The following GALNT17 variants were observed in gnomAD, a reference collection of about 807,000 sequenced individuals.
GALNT17 encodes polypeptide N-acetylgalactosaminyltransferase 17.
GALNT17 carries 29 observed loss-of-function variants against 63.7 expected under a neutral mutation model. The ratio of observed to expected loss-of-function variants is 0.46; its 90% CI spans 0.34 to 0.62. GALNT17 has a LOEUF of 0.62. Among genes scored for constraint, GALNT17 ranks in the 20% least tolerant of loss-of-function variants. GALNT17 has a pLI of 0.01. For synonymous variants in GALNT17, 305 were observed against 318.3 expected, an observed-to-expected ratio of 0.96 and a Z score of 0.45; for missense variants, 603 against 799.6, an observed-to-expected ratio of 0.75 and a Z score of 2.97.
chr7:71,231,465 G>C (rs755726575), intron 1 of GALNT17, among the ~76,000 whole-genome samples: 2 of 152,160 alleles, frequency 1.3e-5, no homozygotes, highest in Non-Finnish European at 2.9e-5. Context: ...GGAAGAGAGG[G>C]TGGATGGAAA....
At chr7:71,367,181 G>A (rs1025375927) in intron 2 of GALNT17, among the ~76,000 whole-genome samples, 3 of 152,102 alleles carry the variant, frequency 2.0e-5, no homozygotes, top group Non-Finnish European at 2.9e-5. Flanking sequence ...AACCACTGCC[G>A]TAATCTTATC....
At chr7:71,502,150 A>G (rs1022816690) in intron 5 of GALNT17, among the ~76,000 whole-genome samples, 5 of 152,194 alleles carry the variant, frequency 3.3e-5, no homozygotes, top group African/African-American at 9.7e-5. Flanking sequence ...TTAATTTCAT[A>G]TTTGCCAGCA....
chr7:71,198,762 G>A (rs114580941), intron 1 of GALNT17, among the ~76,000 whole-genome samples: 3 of 152,138 alleles, frequency 2.0e-5, no homozygotes, highest in African/African-American at 4.8e-5. Context: ...CATCCAGAAG[G>A]TCTCTATGTT....
chr7:71,377,838 T>C (rs1792773619), intron 2 of GALNT17, among the ~76,000 whole-genome samples: 1 of 152,166 alleles, frequency 6.6e-6, no homozygotes. Flanking sequence ...CTTCCTTCTC[T>C]CTCCTGCCGC....
chr7:71,284,988 A>G (rs905809977), intron 1 of GALNT17, among the ~76,000 whole-genome samples: 5 of 152,094 alleles, frequency 3.3e-5, no homozygotes, highest in Admixed American at 1.3e-4. Flanking sequence ...TGAAGCTTAC[A>G]CAATTTTGGC....
chr7:71,547,418 T>C (rs909393094), intron 5 of GALNT17, among the ~76,000 whole-genome samples: 46 of 152,000 alleles, frequency 3.0e-4, no homozygotes, highest in African/African-American at 1.1e-3. Flanking sequence ...CCTCCCAAAG[T>C]GCTGAGATTA....
rs180745171 is a variant in GALNT17 at position 71,439,417 on chromosome 7, G to A, written c.962+18312G>A. ...ATCAATATTTCTTTTTGCGTGACAC[G>A]CTGATATTGCTGCTAGATAGCTTTC... On this transcript the variant is annotated intron_variant, in intron 5 of 10. Transcript: ENST00000333538. Among the ~76,000 whole-genome samples the A allele has an allele frequency of 7.2e-5, 11 of 152,256 alleles. No individual in the cohort carries two copies. In the East Asian group the frequency reaches 1.4e-3, roughly 19 times the overall value.
At chr7:71,240,738 C>T (rs1388535421) in intron 1 of GALNT17, among the ~76,000 whole-genome samples, 1 of 151,032 alleles carries the variant, frequency 6.6e-6, no homozygotes, top group African/African-American at 2.4e-5. Context: ...GATCTCGGCT[C>T]ACTGCAGGCT....
intron 1 of GALNT17, among the ~76,000 whole-genome samples, chr7:71,207,407 A>G (rs1177728212): frequency 1.3e-5 from 2 of 151,934 alleles, no homozygotes; most frequent in African/African-American, 4.8e-5. Flanking sequence ...CCATGTCCTT[A>G]TCTTCTGTTA....
At chr7:71,449,108 C>CTATTTTTT (rs1787211111) in intron 5 of GALNT17, among the ~76,000 whole-genome samples, 1 of 72,754 alleles carries the variant, frequency 1.4e-5, no homozygotes, top group Non-Finnish European at 2.3e-5. Context: ...TGCCTATTTT[C>CTATTTTTT]TTTTTTTTTT....
At chr7:71,486,736 G>T (rs546947154) in intron 5 of GALNT17, among the ~76,000 whole-genome samples, 1 of 151,726 alleles carries the variant, frequency 6.6e-6, no homozygotes. Context: ...GGTGATATGT[G>T]CCTGTAAGTC....
chr7:71,331,557 A>T (rs1263541740), intron 1 of GALNT17, among the ~76,000 whole-genome samples: 3 of 152,114 alleles, frequency 2.0e-5, no homozygotes, highest in Non-Finnish European at 4.4e-5. Flanking sequence ...AAATTGTTTT[A>T]AAAAATTAGC....
chr7:71,266,673 T>C (rs1022839250), intron 1 of GALNT17, among the ~76,000 whole-genome samples: 3 of 151,990 alleles, frequency 2.0e-5, no homozygotes, highest in Non-Finnish European at 4.4e-5. Context: ...TTTTTGGGGG[T>C]TAGAATGTGG....
chr7:71,433,006 T>C (rs1444781481), intron 5 of GALNT17, among the ~76,000 whole-genome samples: 2 of 152,198 alleles, frequency 1.3e-5, no homozygotes, highest in East Asian at 3.9e-4. Flanking sequence ...AGACAGGGTT[T>C]CACCATGTTG....
intron 6 of GALNT17, among the ~76,000 whole-genome samples, chr7:71,647,451 C>A (rs3857701): frequency 0.43 from 65,942 of 151,922 alleles, 16,562 homozygotes; most frequent in East Asian, 0.73. Context: ...CCTGCTCCTA[C>A]AGGAACTGGA....
At chr7:71,501,295 C>T (rs117032381) in intron 5 of GALNT17, among the ~76,000 whole-genome samples, 2,113 of 151,552 alleles carry the variant, frequency 0.014, 25 homozygotes, top group Middle Eastern at 0.034. Flanking sequence ...GACAGGGTCT[C>T]TTTCTGTCAT....
At chr7:71,458,920 T>G (rs1030300933) in intron 5 of GALNT17, among the ~76,000 whole-genome samples, 1 of 152,022 alleles carries the variant, frequency 6.6e-6, no homozygotes. Context: ...AAGGCAATGT[T>G]TGGGTGTGAA....
intron 5 of GALNT17, among the ~76,000 whole-genome samples, chr7:71,455,344 G>T (rs940004225): frequency 4.6e-5 from 7 of 151,990 alleles, no homozygotes; most frequent in African/African-American, 1.7e-4. Context: ...GTATAAAGAG[G>T]TGTGTTCAAC....
intron 5 of GALNT17, among the ~76,000 whole-genome samples, chr7:71,438,885 C>CTTTT (rs199548314): frequency 7.2e-6 from 1 of 138,256 alleles, no homozygotes; most frequent in African/African-American, 2.6e-5. Flanking sequence ...AAAAGATAGA[C>CTTTT]TTTTTTTTTT....
Sources: allele counts gnomAD v4.1 joint callset (sites outside exome capture counted in the v4.1 genomes callset), GRCh38; gene constraint gnomAD v4.1.1; transcripts MANE v1.5; gene names NCBI Gene and HGNC (gene_info 2026-07-23, HGNC 2026-07-21).